Variants in PNPLA3 observed in about 807,000 individuals in gnomAD.
PNPLA3 encodes the protein 1-acylglycerol-3-phosphate O-acyltransferase PNPLA3.
PNPLA3 carries 42 observed loss-of-function variants against 43.1 expected under a neutral mutation model. That is an observed-to-expected ratio of 0.97 (90% CI 0.76 to 1.26). The LOEUF (loss-of-function observed/expected upper bound fraction) is 1.26, where lower values mean the gene tolerates loss of function less well. Among genes scored for constraint, PNPLA3 ranks in the 50% most tolerant of loss-of-function variants. The probability of loss-of-function intolerance (pLI) is 0.00; values close to 1 mark genes in which losing one functional copy is unlikely to be tolerated. For synonymous variants in PNPLA3, 272 were observed against 253.6 expected (o/e 1.07, Z -0.69); for missense variants, 647 against 621.4 (o/e 1.04, Z -0.44).
At chr22:43,933,474 A>T (rs771371328) in intron 4 of PNPLA3, among the ~76,000 whole-genome samples, 8 of 151,694 alleles carry the variant, frequency 5.3e-5, no homozygotes, top group African/African-American at 9.7e-5. Flanking sequence ...GAAGCCTCAG[A>T]CTCCTGGGTT....
Position 43,933,077 on chromosome 22 carries a change from C to T in PNPLA3, c.686C>T (p.Pro229Leu), listed in dbSNP as rs780919312. 6.0e-5 allele frequency: 97 copies of T among 1,613,462 alleles called. No individual in the cohort carries two copies. Among genetic ancestry groups the T allele is most frequent in the Non-Finnish European group, 7.9e-5 (93 of 1,179,980 alleles). The change falls in exon 4 of 9, where the codon CCG becomes CTG. Residue 229 changes from proline (P) to leucine (L), a missense_variant. Transcript: ENST00000216180. ...CTTCTCTCGAGAGCTTTTGTCCCCC[C>T]GGATCTCAAGGTGAGTTGGTGGTGA... ...LYLLSRAFVP[P>L]DLKVLGEICL...
intron 7 of PNPLA3, among the ~76,000 whole-genome samples, chr22:43,943,400 A>G (rs377439425): frequency 1.3e-5 from 2 of 152,174 alleles, no homozygotes; most frequent in East Asian, 3.9e-4. Flanking sequence ...TGCGGGAAGG[A>G]TGTCTACTTG....
chr22:43,926,404 G>T (rs1275989073), intron 1 of PNPLA3, among the ~76,000 whole-genome samples: 1 of 151,722 alleles, frequency 6.6e-6, no homozygotes, highest in African/African-American at 2.4e-5. Flanking sequence ...GCACCTGATA[G>T]CATTAAGGCC....
intron 5 of PNPLA3, among the ~76,000 whole-genome samples, chr22:43,934,958 C>T (rs1294359235): frequency 6.6e-6 from 1 of 152,152 alleles, no homozygotes; most frequent in East Asian, 1.9e-4. Flanking sequence ...CCAGGGTCCC[C>T]TTATCTGAAG....
chr22:43,927,363 G>A (rs921738372), intron 2 of PNPLA3, among the ~76,000 whole-genome samples, 196 bp downstream of exon 2: 2 of 151,976 alleles, frequency 1.3e-5, no homozygotes, highest in Non-Finnish European at 1.5e-5. Context: ...ATGGTGTTGT[G>A]GGCCCATAGT....
Position 43,923,903 on chromosome 22 carries a change from G to A in PNPLA3, c.-9G>A. ...TCCTAACCCGCGCCCCCGCCCCGCC[G>A]CCGCCGCCATGTACGACGCAGAGCG... On this transcript the variant is annotated 5_prime_UTR_variant, in exon 1 of 9. Transcript: ENST00000216180. 1 of 1,511,704 alleles carries A rather than the reference G, an allele frequency of 6.6e-7. No individual in the cohort carries two copies. The highest frequency in any genetic ancestry group is 8.8e-7 in the Non-Finnish European group (1 of 1,137,746). 93.6% of individuals were successfully genotyped at this position (1,511,704 alleles called of 1,614,324 possible). A position where few individuals can be genotyped will look rare whatever the true frequency, so the allele number is the denominator to read the frequency against.
intron 4 of PNPLA3, among the ~76,000 whole-genome samples, chr22:43,934,224 G>A (rs2049979807): frequency 1.3e-5 from 2 of 151,020 alleles, no homozygotes; most frequent in Non-Finnish European, 2.9e-5. Flanking sequence ...GGCTGAGGCA[G>A]GAAAATGGCT....
chr22:43,943,800 G>GT (rs1345730056), intron 7 of PNPLA3, among the ~76,000 whole-genome samples: 1 of 150,220 alleles, frequency 6.7e-6, no homozygotes, highest in Non-Finnish European at 1.5e-5. Context: ...CTTTTTTTTT[G>GT]TTTTTTGAGA....
At chr22:43,942,705 T>TC (rs1484111452) in intron 7 of PNPLA3, among the ~76,000 whole-genome samples, 3 of 144,126 alleles carry the variant, frequency 2.1e-5, no homozygotes, top group Non-Finnish European at 3.0e-5. Flanking sequence ...TTTTTTCTTT[T>TC]TTTTTTTTTT....
At chr22:43,945,938 T>C (rs2050060083) in intron 8 of PNPLA3, among the ~76,000 whole-genome samples, 1 of 151,956 alleles carries the variant, frequency 6.6e-6, no homozygotes, top group Non-Finnish European at 1.5e-5. Flanking sequence ...CAGTGGGAGG[T>C]GTCCAGGTAG....
At chr22:43,929,391 G>T (rs1032823441) in intron 3 of PNPLA3, among the ~76,000 whole-genome samples, 1 of 150,870 alleles carries the variant, frequency 6.6e-6, no homozygotes, top group Non-Finnish European at 1.5e-5. Context: ...CAGGAGAATT[G>T]CTTGAACTTG....
intron 2 of PNPLA3, among the ~76,000 whole-genome samples, chr22:43,927,672 C>T (rs1045306184): frequency 2.9e-4 from 13 of 44,240 alleles, no homozygotes; most frequent in East Asian, 1.5e-3. Context: ...GGTGGGGGGG[C>T]GGGGTACAGA....
At chr22:43,925,016 G>T (rs1232997193) in intron 1 of PNPLA3, among the ~76,000 whole-genome samples, 1 of 151,984 alleles carries the variant, frequency 6.6e-6, no homozygotes, top group Non-Finnish European at 1.5e-5. Flanking sequence ...GCAACCCTGG[G>T]CATCCTCCAG....
At chr22:43,930,042 T>C (rs2049952003) in intron 3 of PNPLA3, among the ~76,000 whole-genome samples, 1 of 152,162 alleles carries the variant, frequency 6.6e-6, no homozygotes, top group South Asian at 2.1e-4. Context: ...ATTTTTGAAC[T>C]CACAAGAGCA....
chr22:43,941,239 C>T (rs1029775443), intron 7 of PNPLA3, among the ~76,000 whole-genome samples: 5 of 146,586 alleles, frequency 3.4e-5, no homozygotes, highest in Non-Finnish European at 7.4e-5. Context: ...TAATATGATT[C>T]AGAGCCAGCA....
chr22:43,944,279 G>A (rs1307712149), intron 7 of PNPLA3, among the ~76,000 whole-genome samples: 1 of 152,128 alleles, frequency 6.6e-6, no homozygotes, highest in African/African-American at 2.4e-5. Flanking sequence ...GGGGGATGGA[G>A]AGTCTAGAGG....
At chr22:43,933,611 C>A (rs1049833555) in intron 4 of PNPLA3, among the ~76,000 whole-genome samples, 1 of 152,038 alleles carries the variant, frequency 6.6e-6, no homozygotes, top group Non-Finnish European at 1.5e-5. Flanking sequence ...TGGCCTCAAG[C>A]GATCCTCCCA....
In PNPLA3 at chr22:43,947,184, C is replaced by T. The variant is rs185082280; in HGVS notation, c.*802C>T. The T allele has an allele frequency of 4.8e-5, 8 of 165,848 alleles. No homozygotes were observed. The highest frequency in any genetic ancestry group is 1.5e-4 in the African/African-American group (6 of 41,368). 10.3% of individuals were successfully genotyped at this position (165,848 alleles called of 1,614,324 possible). A position where few individuals can be genotyped will look rare whatever the true frequency, so the allele number is the denominator to read the frequency against. ...GACCAGTCTGGCCAACATAGCAAAA[C>T]CCTGTCTCTACTAAAAATACAAAAA... On this transcript the variant is annotated 3_prime_UTR_variant, in exon 9 of 9. Coordinates refer to ENST00000216180, the MANE Select transcript of PNPLA3 (RefSeq NM_025225.3).
In PNPLA3 at chr22:43,946,375, G is replaced by T. The variant is rs766637347; in HGVS notation, c.1439G>T (p.Ser480Ile). 6.2e-7 allele frequency: 1 copy of T among 1,613,888 alleles called. No individual in the cohort carries two copies. The highest frequency in any genetic ancestry group is 8.5e-7 in the Non-Finnish European group (1 of 1,179,788). ...TTTCCCAGTTTTTCACTAGAGAAGAGTCTGTGAGTCACTTGAGGAGGCGAG... is the reference window on the plus strand; with the variant it reads ...TTTCCCAGTTTTTCACTAGAGAAGATTCTGTGAGTCACTTGAGGAGGCGAG... ...STFPSFSLEK[S>I]L The change falls in exon 9 of 9, where the codon AGT (serine) becomes ATT (isoleucine). Residue 480 changes from serine to isoleucine, a missense_variant. By Grantham distance (142) the Ser-to-Ile change is moderately radical (BLOSUM62 -2). Transcript: ENST00000216180.
Sources: allele counts gnomAD v4.1 joint callset (sites outside exome capture counted in the v4.1 genomes callset), GRCh38; gene constraint gnomAD v4.1.1; transcripts MANE v1.5; gene names NCBI Gene and HGNC (gene_info 2026-07-23, HGNC 2026-07-21).